The following FAM53C variants were observed in gnomAD, a reference collection of about 807,000 sequenced individuals.
FAM53C encodes protein FAM53C.
In FAM53C, 10 loss-of-function variants were observed where a neutral mutation model predicts 34.7. The observed-to-expected ratio is 0.29, with a 90% confidence interval of 0.18 to 0.49. The LOEUF is 0.49. Ranked by LOEUF, FAM53C falls within the 20% of genes least tolerant of loss-of-function variation. The probability of loss-of-function intolerance (pLI) is 0.99; values close to 1 mark genes in which losing one functional copy is unlikely to be tolerated. For missense variants in FAM53C, 442 were observed against 515.3 expected, an observed-to-expected ratio of 0.86 and a Z score of 1.38; for synonymous variants, 203 against 203.6, an observed-to-expected ratio of 1.00 and a Z score of 0.03.
chr5:138,337,655 G>A, upstream of FAM53C: 1 of 309,352 alleles, frequency 3.2e-6, no homozygotes, highest in South Asian at 2.6e-5. Flanking sequence ...AAACGTCCCC[G>A]CAACCATTAT....
chr5:138,341,486 T>C, intron 2 of FAM53C, 73 bp downstream of exon 2: 1 of 1,317,572 alleles, frequency 7.6e-7, no homozygotes, highest in South Asian at 1.2e-5. Context: ...TGCTATTACT[T>C]TACTCTTGTC....
chr5:138,341,408 A>C lies in FAM53C; in HGVS notation c.73A>C (p.Ser25Arg), dbSNP rs1174019958. The C allele has an allele frequency of 6.2e-7, 1 of 1,613,854 alleles. No individual in the cohort carries two copies. The highest frequency in any genetic ancestry group is 1.3e-5 in the African/African-American group (1 of 75,060). ...GCTGAAATGCACACGCTTCAGCATC[A>C]GTCTGGTAAAAGACCAGTCTTCCTG... ...DELKCTRFSI[S>R]LPLPDHADIS... Residue 25 changes from serine to arginine, a missense_variant, in exon 2 of 5, where the codon AGT becomes CGT. Physicochemically the swap from Ser to Arg is moderately radical, Grantham distance 110. Coordinates refer to ENST00000239906, the MANE Select transcript of FAM53C (RefSeq NM_016605.3).
rs1761223081 is a variant in FAM53C, at chr5:138,347,792, CTT to C, written c.*836_*837del. The C allele has an allele frequency of 6.6e-6, 1 of 152,300 alleles. No homozygotes were observed. Among genetic ancestry groups the C allele is most frequent in the African/African-American group, 2.4e-5 (1 of 41,400 alleles). The allele number at this position is 152,300 out of a possible 1,614,324, so 9.4% of individuals were successfully genotyped here. A position where few individuals can be genotyped will look rare whatever the true frequency, so the allele number is the denominator to read the frequency against. On this transcript the variant is annotated 3_prime_UTR_variant, in exon 5 of 5. Transcript: ENST00000239906. ...TGTCCAGGCTATATTCCACCTGCCTCTTTTGCCCTCTTGAGTAGAGTTGCACA... is the reference window on the plus strand; with the variant it reads ...TGTCCAGGCTATATTCCACCTGCCTCTTGCCCTCTTGAGTAGAGTTGCACA...
In FAM53C at chr5:138,345,210, A is replaced by AGCTCCCAGTGCCTCTTCTCAATGT. The variant is rs1561744458; in HGVS notation, c.525_548dup (p.Ser177_Pro184dup). The AGCTCCCAGTGCCTCTTCTCAATGT allele has an allele frequency of 6.2e-7, 1 of 1,614,156 alleles. No individual in the cohort carries two copies. Among genetic ancestry groups the AGCTCCCAGTGCCTCTTCTCAATGT allele is most frequent in the Non-Finnish European group, 8.5e-7 (1 of 1,180,008 alleles). On this transcript the variant is annotated inframe_insertion, in exon 4 of 5. Transcript: ENST00000239906. The surrounding 1 kb of genome is among the most constrained non-coding windows in gnomAD (Gnocchi z 6.3). The stretch of plus-strand genomic sequence containing the variant: ...GGGTCTCCAGCCTCAGGTTCCTCCA[A>AGCTCCCAGTGCCTCTTCTCAATGT]GCTCCCAGTGCCTCTTCTCAATGTG...
chr5:138,338,644 C>G (rs1343207264), intron 1 of FAM53C, among the ~76,000 whole-genome samples: 1 of 148,582 alleles, frequency 6.7e-6, no homozygotes, highest in East Asian at 2.0e-4. Context: ...CCCGCGGGGA[C>G]AGGCAGGGCA....
rs940927422 is a variant in FAM53C, at chr5:138,348,623, G to T, written c.*1664G>T. ...GATCTCCTGCATGTCAGGAGCATCAGTGAGGCTTCAGCCTCCTCGTCTCCA... is the reference window on the plus strand; with the variant it reads ...GATCTCCTGCATGTCAGGAGCATCATTGAGGCTTCAGCCTCCTCGTCTCCA... On this transcript the variant is annotated 3_prime_UTR_variant, in exon 5 of 5. Transcript: ENST00000239906. The T allele has an allele frequency of 2.0e-5, 3 of 152,242 alleles. No homozygotes were observed. The highest frequency in any genetic ancestry group is 4.4e-5 in the Non-Finnish European group (3 of 68,048). The allele number at this position is 152,242 out of a possible 1,614,324, so 9.4% of individuals were successfully genotyped here. A position where few individuals can be genotyped will look rare whatever the true frequency, so the allele number is the denominator to read the frequency against.
At chr5:138,339,377 G>A (rs951437493) in intron 1 of FAM53C, among the ~76,000 whole-genome samples, 3 of 152,202 alleles carry the variant, frequency 2.0e-5, no homozygotes, top group Admixed American at 6.5e-5. Context: ...CAGGCTGAGA[G>A]TATCAGTTGC....
At position 138,346,889 on chromosome 5, in the gene FAM53C, C is replaced by A. The variant is rs751665146; in HGVS notation, c.1109C>A (p.Ala370Glu). 6.2e-7 allele frequency: 1 copy of A among 1,614,070 alleles called. No individual in the cohort carries two copies. The highest frequency in any genetic ancestry group is 8.5e-7 in the Non-Finnish European group (1 of 1,180,032). Residue 370 changes from alanine (A) to glutamate (E), a missense_variant, in exon 5 of 5, where the codon GCG becomes GAG. Physicochemically the swap from Ala to Glu is moderately radical, Grantham distance 107. Coordinates refer to ENST00000239906, the MANE Select transcript of FAM53C (RefSeq NM_016605.3). The part of the protein sequence containing the change: ...EEGAVRWGRQ[A>E]LSKRTLCQRD... The stretch of plus-strand genomic sequence containing the variant: ...GGGGCTGTGCGGTGGGGTCGGCAGG[C>A]GCTGAGCAAGCGGACACTGTGCCAG...
chr5:138,345,242 C>T lies in FAM53C; in HGVS notation c.554C>T (p.Ala185Val), dbSNP rs374937112. The T allele has an allele frequency of 6.2e-7, 1 of 1,614,246 alleles. No individual in the cohort carries two copies. Among genetic ancestry groups the T allele is most frequent in the South Asian group, 1.1e-5 (1 of 91,092 alleles). The change falls in exon 4 of 5, where the codon GCT becomes GTT. Residue 185 changes from alanine to valine, a missense_variant. Transcript: ENST00000239906. The surrounding 1 kb of genome is among the most constrained non-coding windows in gnomAD (Gnocchi z 6.3). The stretch of plus-strand genomic sequence containing the variant: ...AGTGCCTCTTCTCAATGTGCCCCAG[C>T]TCACAGACCCTACAGCCCTCCTTTC... ...APSASSQCAP[A>V]HRPYSPPFFS...
rs1019010310 is a variant in FAM53C, at chr5:138,349,234, T to G, written c.*2275T>G. ...TTCTGTGTAAACCAAATGCTATTTTTCAATGCATTTGGACTGCTGACCATT... is the reference window on the plus strand; with the variant it reads ...TTCTGTGTAAACCAAATGCTATTTTGCAATGCATTTGGACTGCTGACCATT... On this transcript the variant is annotated 3_prime_UTR_variant, in exon 5 of 5. Coordinates refer to ENST00000239906, the MANE Select transcript of FAM53C (RefSeq NM_016605.3). 2.6e-5 allele frequency: 4 copies of G among 152,696 alleles called. No homozygotes were observed. The highest frequency in any genetic ancestry group is 5.9e-5 in the Non-Finnish European group (4 of 68,044). 9.5% of individuals were successfully genotyped at this position (152,696 alleles called of 1,614,324 possible). A position where few individuals can be genotyped will look rare whatever the true frequency, so the allele number is the denominator to read the frequency against.
In FAM53C at chr5:138,344,892, C is replaced by T; in HGVS notation, c.204C>T (p.Ser68=). Residue 68 remains serine, a synonymous_variant, in exon 4 of 5, where the codon AGC becomes AGT. Coordinates refer to ENST00000239906, the MANE Select transcript of FAM53C (RefSeq NM_016605.3). ...CAEFQDSLNF[S]YHPSGLSLHL... ...AGTTCCAGGACAGCCTCAACTTCAG[C>T]TACCATCCCTCAGGCCTGAGCCTGC... 6.2e-7 allele frequency: 1 copy of T among 1,612,522 alleles called. No homozygotes were observed. The highest frequency in any genetic ancestry group is 8.5e-7 in the Non-Finnish European group (1 of 1,179,276).
rs927893879 is a variant in FAM53C at position 138,347,545 on chromosome 5, T to C, written c.*586T>C. 1 of 155,838 alleles carries C rather than the reference T, an allele frequency of 6.4e-6. No homozygotes were observed. Among genetic ancestry groups the C allele is most frequent in the African/African-American group, 2.4e-5 (1 of 41,420 alleles). The allele number at this position is 155,838 out of a possible 1,614,324, so 9.7% of individuals were successfully genotyped here. On this transcript the variant is annotated 3_prime_UTR_variant, in exon 5 of 5. Transcript: ENST00000239906. Reference sequence around the variant, plus strand: ...GAGGAGGGCACCAAGTTTTCCTTTTTTCTAAATAGCTCTGGAACCAGGCTT... The same window carrying C: ...GAGGAGGGCACCAAGTTTTCCTTTTCTCTAAATAGCTCTGGAACCAGGCTT...
rs1174475475 is a variant in FAM53C at position 138,345,370 on chromosome 5, C to T, written c.682C>T (p.Gln228Ter). Residue 228 changes from glutamine (Q) to a stop codon, truncating the protein, a stop_gained, in exon 4 of 5, where the codon CAG (glutamine) becomes TAG (stop). Coordinates refer to ENST00000239906, the MANE Select transcript of FAM53C (RefSeq NM_016605.3). LOFTEE classifies it high-confidence loss of function. The surrounding 1 kb of genome is among the most constrained non-coding windows in gnomAD (Gnocchi z 6.3). ...DAESLSPCPPQRRFSLSPSLG... is the reference protein window; with the variant it reads ...DAESLSPCPP The stretch of plus-strand genomic sequence containing the variant: ...TGAGTCCTTGTCACCTTGCCCACCT[C>T]AGCGCCGCTTCTCCCTGTCACCCAG... The T allele has an allele frequency of 1.2e-6, 2 of 1,614,048 alleles. No individual in the cohort carries two copies. Among genetic ancestry groups the T allele is most frequent in the African/African-American group, 2.7e-5 (2 of 74,940 alleles).
chr5:138,345,052 T>G lies in FAM53C; in HGVS notation c.364T>G (p.Ser122Ala). 1.2e-6 allele frequency: 2 copies of G among 1,613,580 alleles called. No homozygotes were observed. Among genetic ancestry groups the G allele is most frequent in the Non-Finnish European group, 1.7e-6 (2 of 1,179,832 alleles). ...ATCCAAGAGGCACTGCCGCTCACTC[T>G]CAGTGCCCGTGGACCTGTCTCGCTG... ...PPSKRHCRSL[S>A]VPVDLSRWQP... Residue 122 changes from serine to alanine, a missense_variant, in exon 4 of 5, where the codon TCA (serine) becomes GCA (alanine). Physicochemically the swap from Ser to Ala is moderately conservative, Grantham distance 99. Coordinates refer to ENST00000239906, the MANE Select transcript of FAM53C (RefSeq NM_016605.3). The surrounding 1 kb of genome is among the most constrained non-coding windows in gnomAD (Gnocchi z 6.3).
chr5:138,341,834 C>T lies in FAM53C; in HGVS notation c.104C>T (p.Ser35Phe). Residue 35 changes from serine (S) to phenylalanine (F), a missense_variant, in exon 3 of 5, where the codon TCC becomes TTC. Transcript: ENST00000239906. ...SLPLPDHADI[S>F]NCGNSFQLVS... Reference sequence around the variant, plus strand: ...CCTTTGCCTGATCATGCAGACATCTCCAACTGTGGGAACTCTTTCCAGCTT... The same window carrying T: ...CCTTTGCCTGATCATGCAGACATCTTCAACTGTGGGAACTCTTTCCAGCTT... The T allele has an allele frequency of 4.3e-6, 7 of 1,614,192 alleles. No individual in the cohort carries two copies. The highest frequency in any genetic ancestry group is 5.1e-6 in the Non-Finnish European group (6 of 1,180,010).
At chr5:138,342,826 C>G (rs961309429) in intron 3 of FAM53C, 1 of 150,928 alleles carries the variant, frequency 6.6e-6, no homozygotes, top group African/African-American at 2.4e-5. Flanking sequence ...GAGTTCGAGA[C>G]CAGCCTGGCC....
chr5:138,337,919 T>TGGAG (rs1229474427), upstream of FAM53C: 1 of 1,276,098 alleles, frequency 7.8e-7, no homozygotes, highest in Non-Finnish European at 1.0e-6. Flanking sequence ...GTTGGGCCGT[T>TGGAG]GGAGGGAGGG....
intron 1 of FAM53C, among the ~76,000 whole-genome samples, chr5:138,340,817 TC>T (rs1381097753): frequency 1.3e-5 from 2 of 152,222 alleles, no homozygotes; most frequent in African/African-American, 4.8e-5. Flanking sequence ...TCTTTTCACT[TC>T]TGACTGGAAG....
chr5:138,347,236 T>G lies in FAM53C; in HGVS notation c.*277T>G. On this transcript the variant is annotated 3_prime_UTR_variant, in exon 5 of 5. Transcript: ENST00000239906. ...AGTATCCCTGCCACCAAGAGAGCAA[T>G]GGGCAGGGAAGGAAGGGGTCTGCCG... 2.1e-6 allele frequency: 1 copy of G among 473,774 alleles called. No homozygotes were observed. The allele number at this position is 473,774 out of a possible 1,614,324, so 29.3% of individuals were successfully genotyped here.
Sources: allele counts gnomAD v4.1 joint callset (sites outside exome capture counted in the v4.1 genomes callset), GRCh38; gene constraint gnomAD v4.1.1; non-coding constraint Gnocchi (gnomAD v3.1); transcripts MANE v1.5; gene names NCBI Gene and HGNC (gene_info 2026-07-23, HGNC 2026-07-21).